Variants in CIBAR2 observed in about 807,000 individuals in gnomAD.
The protein encoded by CIBAR2 is CBY1-interacting BAR domain-containing protein 2.
A neutral mutation model predicts 36.2 loss-of-function variants in CIBAR2; 38 were observed. The ratio of observed to expected loss-of-function variants is 1.05; its 90% CI spans 0.81 to 1.38. CIBAR2 has a LOEUF of 1.38. Among genes scored for constraint, CIBAR2 ranks in the 40% most tolerant of loss-of-function variants. The probability of loss-of-function intolerance (pLI) is 0.00; values close to 1 mark genes in which losing one functional copy is unlikely to be tolerated. For synonymous variants in CIBAR2, 182 were observed against 149.5 expected (o/e 1.22, Z -1.58); for missense variants, 481 against 383.4 (o/e 1.25, Z -2.13).
rs1298130098 is a variant in CIBAR2, at chr16:85,098,536, T to G, written c.*649A>C. On this transcript the variant is annotated 3_prime_UTR_variant, in exon 9 of 9. Transcript: ENST00000539556. ...GCCCACCTGAGGATCCAAGGCCAGC[T>G]AAGTTCTTCTGACTGTTGTGGGCAG... is the stretch of plus-strand genomic sequence containing the variant. 3 of 986,192 alleles carry G rather than the reference T, an allele frequency of 3.0e-6. No individual in the cohort carries two copies. Among genetic ancestry groups the G allele is most frequent in the Non-Finnish European group, 3.6e-6 (3 of 830,188 alleles). 61.1% of individuals were successfully genotyped at this position (986,192 alleles called of 1,614,324 possible).
At position 85,098,916 on chromosome 16, in the gene CIBAR2, G is replaced by A. The variant is rs535020637; in HGVS notation, c.*269C>T. 7 of 313,302 alleles carry A rather than the reference G, an allele frequency of 2.2e-5. No individual in the cohort carries two copies. Among genetic ancestry groups the A allele is most frequent in the Non-Finnish European group, 3.9e-5 (7 of 179,808 alleles). 19.4% of individuals were successfully genotyped at this position (313,302 alleles called of 1,614,324 possible). On this transcript the variant is annotated 3_prime_UTR_variant, in exon 9 of 9. Transcript: ENST00000539556. ...CCAAGGTCACACCGCCGGGAGCAGT[G>A]GGCTCGGACCAAGAAATAGATAGCA...
In CIBAR2 at chr16:85,112,388, A is replaced by G. The variant is rs781556253; in HGVS notation, c.-36T>C. ...GCTTTGGCTGTCCCGGTGCTGGGGA[A>G]TAAGGACAGGGCCCCAGGGGTCCTG... On this transcript the variant is annotated 5_prime_UTR_variant, in exon 1 of 9. Transcript: ENST00000539556. The G allele has an allele frequency of 1.9e-6, 3 of 1,610,398 alleles. No individual in the cohort carries two copies. The highest frequency in any genetic ancestry group is 2.5e-6 in the Non-Finnish European group (3 of 1,176,764).
In CIBAR2 at chr16:85,110,631, T is replaced by C. The variant is rs909218560; in HGVS notation, c.21-171A>G. ...GTGGCAGCATCACGGCCATTGAGGCTGATGAGGGGGATCTGCCTGGGCTGG... is the reference window on the plus strand; with the variant it reads ...GTGGCAGCATCACGGCCATTGAGGCCGATGAGGGGGATCTGCCTGGGCTGG... On this transcript the variant is annotated intron_variant, in intron 1 of 8. Coordinates refer to ENST00000539556, the MANE Select transcript of CIBAR2 (RefSeq NM_198491.3). Among the ~76,000 whole-genome samples, 10 of 150,442 alleles carry C rather than the reference T, an allele frequency of 6.6e-5. No individual in the cohort carries two copies. In the South Asian group the frequency reaches 1.0e-3, roughly 16 times the overall value.
chr16:85,099,086 C>A lies in CIBAR2; in HGVS notation c.*99G>T. The A allele has an allele frequency of 7.3e-7, 1 of 1,364,198 alleles. No individual in the cohort carries two copies. The highest frequency in any genetic ancestry group is 9.6e-7 in the Non-Finnish European group (1 of 1,037,264). 84.5% of individuals were successfully genotyped at this position (1,364,198 alleles called of 1,614,324 possible). ...ACAAGGTCTTTGAATTAACACAATC[C>A]AACAAAGACAAAGAAAAAAGAATCA... On this transcript the variant is annotated 3_prime_UTR_variant, in exon 9 of 9. Transcript: ENST00000539556.
chr16:85,112,054 G>C (rs1052560045), intron 1 of CIBAR2, among the ~76,000 whole-genome samples: 1 of 152,196 alleles, frequency 6.6e-6, no homozygotes, highest in African/African-American at 2.4e-5. Context: ...TTTCCAGGTG[G>C]AGGCGAGAAA....
At chr16:85,104,554 A>G (rs981645614) in intron 6 of CIBAR2, among the ~76,000 whole-genome samples, 1 of 152,126 alleles carries the variant, frequency 6.6e-6, no homozygotes, top group Non-Finnish European at 1.5e-5. Flanking sequence ...CATCTCTACT[A>G]AAAATACAAA....
chr16:85,099,081 C>T lies in CIBAR2; in HGVS notation c.*104G>A. ...TGAAGACAAGGTCTTTGAATTAACA[C>T]AATCCAACAAAGACAAAGAAAAAAG... On this transcript the variant is annotated 3_prime_UTR_variant, in exon 9 of 9. Coordinates refer to ENST00000539556, the MANE Select transcript of CIBAR2 (RefSeq NM_198491.3). 7.5e-7 allele frequency: 1 copy of T among 1,331,294 alleles called. No homozygotes were observed. Among genetic ancestry groups the T allele is most frequent in the Non-Finnish European group, 9.9e-7 (1 of 1,010,496 alleles). 82.5% of individuals were successfully genotyped at this position (1,331,294 alleles called of 1,614,324 possible). A position where few individuals can be genotyped will look rare whatever the true frequency, so the allele number is the denominator to read the frequency against.
chr16:85,112,271 C>A (rs369945069), intron 1 of CIBAR2, 62 bp downstream of exon 1: 4 of 1,488,348 alleles, frequency 2.7e-6, no homozygotes, highest in Non-Finnish European at 2.8e-6. Flanking sequence ...TTTGTTGGTG[C>A]CCCGGGCCTC....
intron 2 of CIBAR2, 152 bp from the exon 3 acceptor site, chr16:85,108,251 T>C (rs1164488652): frequency 2.9e-6 from 2 of 700,090 alleles, no homozygotes; most frequent in South Asian, 3.9e-5. Flanking sequence ...TCCCGGTGTG[T>C]TGGAGGCACG....
chr16:85,101,263 G>T (rs2073953299), intron 7 of CIBAR2, among the ~76,000 whole-genome samples: 1 of 152,164 alleles, frequency 6.6e-6, no homozygotes, highest in South Asian at 2.1e-4. Context: ...CTGTCGTGGA[G>T]ATCTTAGTAA....
chr16:85,110,551 C>G (rs1597673318), intron 1 of CIBAR2, 91 bp from the exon 2 acceptor site: 2 of 972,054 alleles, frequency 2.1e-6, no homozygotes, highest in East Asian at 2.6e-5. Context: ...AAAACAGGAG[C>G]TGCCACCAGC....
At chr16:85,106,852 T>A (rs1346430377) in intron 5 of CIBAR2, among the ~76,000 whole-genome samples, 1 of 152,188 alleles carries the variant, frequency 6.6e-6, no homozygotes, top group African/African-American at 2.4e-5. Flanking sequence ...ACCGCTGACT[T>A]AGCTCCATCA....
chr16:85,107,941 T>G lies in CIBAR2; in HGVS notation c.331A>C (p.Ile111Leu). The G allele has an allele frequency of 6.2e-7, 1 of 1,614,124 alleles. No individual in the cohort carries two copies. Among genetic ancestry groups the G allele is most frequent in the Non-Finnish European group, 8.5e-7 (1 of 1,179,930 alleles). Reference protein sequence around the residue: ...GAQIKQTRAEIKKFKHVQNHE... With the variant: ...GAQIKQTRAELKKFKHVQNHE... ...TTTTGGACATGTTTGAATTTCTTGA[T>G]CTCAGCCTGCAGAAAAGGAGGAGGG... Residue 111 changes from isoleucine (I) to leucine (L), a missense_variant, in exon 4 of 9, where the codon ATC becomes CTC. Ile to Leu is a conservative substitution (Grantham distance 5). Transcript: ENST00000539556.
chr16:85,108,314 A>C (rs548672616), intron 2 of CIBAR2, among the ~76,000 whole-genome samples: 11 of 152,312 alleles, frequency 7.2e-5, no homozygotes, highest in African/African-American at 2.6e-4. Context: ...CAACGCATTC[A>C]GTCTCTCGAA....
intron 2 of CIBAR2, among the ~76,000 whole-genome samples, chr16:85,109,169 G>T (rs1170121964): frequency 6.6e-6 from 1 of 152,102 alleles, no homozygotes; most frequent in Non-Finnish European, 1.5e-5. Context: ...CCAGCACTTT[G>T]GGTGGCCGAG....
intron 6 of CIBAR2, 76 bp downstream of exon 6, chr16:85,105,251 G>A (rs1375347701): frequency 2.4e-6 from 2 of 844,768 alleles, no homozygotes; most frequent in African/African-American, 1.7e-5. Context: ...CATGCACACA[G>A]ACACGTGTAC....
In CIBAR2 at chr16:85,099,248, C is replaced by T. The variant is rs749335260; in HGVS notation, c.852G>A (p.Gly284=). 2 of 1,612,380 alleles carry T rather than the reference C, an allele frequency of 1.2e-6. No homozygotes were observed. Among genetic ancestry groups the T allele is most frequent in the East Asian group, 2.2e-5 (1 of 44,702 alleles). ...RFSLCEWVVK[G]QPAHCVCGQG... Reference sequence around the variant, plus strand: ...GCCCACACACACAGTGGGCTGGCTGCCCCTTAACCACCCACTCACAGAGAC... The same window carrying T: ...GCCCACACACACAGTGGGCTGGCTGTCCCTTAACCACCCACTCACAGAGAC... Residue 284 remains glycine, a synonymous_variant, in exon 9 of 9, where the codon GGG becomes GGA. Transcript: ENST00000539556.
intron 1 of CIBAR2, among the ~76,000 whole-genome samples, chr16:85,111,798 CGAGATG>C (rs2074044860): frequency 6.6e-6 from 1 of 152,212 alleles, no homozygotes; most frequent in Non-Finnish European, 1.5e-5. Context: ...GAGCCGAGAT[CGAGATG>C]GCACCACTGC....
At chr16:85,105,189 C>CGCCT (rs2073985656) in intron 6 of CIBAR2, 138 bp downstream of exon 6, 1 of 542,610 alleles carries the variant, frequency 1.8e-6, no homozygotes, top group Admixed American at 3.0e-5. Flanking sequence ...AGCTCACTCA[C>CGCCT]GCCTTCCAGT....
Sources: gnomAD v4.1 joint callset for allele counts (sites outside exome capture counted in the v4.1 genomes callset) on GRCh38, gnomAD v4.1.1 for gene constraint, MANE v1.5 for transcripts, NCBI Gene and HGNC (gene_info 2026-07-23, HGNC 2026-07-21) for gene names.